Variants in TRIP11 observed in about 807,000 individuals in gnomAD.
TRIP11 encodes the protein thyroid hormone receptor interactor 11, also known as thyroid receptor-interacting protein 11.
Under a neutral mutation model 223.1 loss-of-function variants are expected in TRIP11, and 148 were observed. The observed-to-expected ratio is 0.66, with a 90% confidence interval of 0.58 to 0.76. TRIP11 has a LOEUF of 0.76. Among genes scored for constraint, TRIP11 ranks in the 30% least tolerant of loss-of-function variants. The pLI is 0.00. For missense variants in TRIP11, 2,043 were observed against 2,222.0 expected (o/e 0.92, Z 1.62); for synonymous variants, 762 against 772.6 (o/e 0.99, Z 0.23).
Position 92,005,460 on chromosome 14 carries a change from C to A in TRIP11, c.2516G>T (p.Arg839Ile). Residue 839 changes from arginine to isoleucine, a missense_variant, in exon 11 of 21, where the codon AGA (arginine) becomes ATA (isoleucine). Physicochemically the swap from Arg to Ile is moderately conservative, Grantham distance 97. Coordinates refer to ENST00000267622, the MANE Select transcript of TRIP11 (RefSeq NM_004239.4). ...EELDKYSQAL[R>I]KNEILRQTIE... ...GGTCTGTCTTAAAATTTCATTTTTT[C>A]TTAAGGCCTGAGAATATTTATCCAA... 6.2e-7 allele frequency: 1 copy of A among 1,613,836 alleles called. No homozygotes were observed. The highest frequency in any genetic ancestry group is 1.1e-5 in the South Asian group (1 of 91,048).
chr14:92,012,922 T>C (rs1254319272), intron 7 of TRIP11, among the ~76,000 whole-genome samples: 1 of 152,186 alleles, frequency 6.6e-6, no homozygotes. Context: ...TTATTCTGGC[T>C]GCAGAATGAA....
chr14:92,002,148 C>T (rs2056834811), intron 11 of TRIP11, among the ~76,000 whole-genome samples: 1 of 152,098 alleles, frequency 6.6e-6, no homozygotes, highest in African/African-American at 2.4e-5. Flanking sequence ...TAAACAAACC[C>T]TACACAGCAC....
At chr14:91,998,573 G>A (rs530744506) in intron 13 of TRIP11, among the ~76,000 whole-genome samples, 1 of 151,930 alleles carries the variant, frequency 6.6e-6, no homozygotes, top group East Asian at 1.9e-4. Flanking sequence ...GGTATATAAT[G>A]TATACACACA....
At chr14:91,992,908 C>CAAA (rs550702989) in intron 15 of TRIP11, among the ~76,000 whole-genome samples, 669 of 29,278 alleles carry the variant, frequency 0.023, 70 homozygotes, top group Admixed American at 0.053. Flanking sequence ...GACTCCGTCT[C>CAAA]AAAAAAAAAA....
chr14:91,966,729 A>C lies in TRIP11; in HGVS notation c.*2944T>G. On this transcript the variant is annotated 3_prime_UTR_variant, in exon 21 of 21. Coordinates refer to ENST00000267622, the MANE Select transcript of TRIP11 (RefSeq NM_004239.4). ...TCAAAAATGACAGGAATGAAAATTC[A>C]AACAATTTGATCCAGTATTATGCTA... The C allele has an allele frequency of 4.7e-6, 1 of 212,180 alleles. No individual in the cohort carries two copies. Among genetic ancestry groups the C allele is most frequent in the Non-Finnish European group, 9.5e-6 (1 of 104,738 alleles). The allele number at this position is 212,180 out of a possible 1,614,324, so 13.1% of individuals were successfully genotyped here.
chr14:91,995,777 G>A (rs916558763), intron 13 of TRIP11, among the ~76,000 whole-genome samples: 40 of 151,958 alleles, frequency 2.6e-4, no homozygotes, highest in Non-Finnish European at 4.3e-4. Context: ...AACCATGCCT[G>A]GCTAATTTTT....
At chr14:91,977,952 A>G (rs577052514) in intron 16 of TRIP11, among the ~76,000 whole-genome samples, 1 of 152,338 alleles carries the variant, frequency 6.6e-6, no homozygotes, top group Non-Finnish European at 1.5e-5. Flanking sequence ...CATATTATAA[A>G]AGCAAGGTTT....
chr14:92,038,209 A>T (rs2057344550), intron 1 of TRIP11, among the ~76,000 whole-genome samples: 1 of 152,210 alleles, frequency 6.6e-6, no homozygotes, highest in Non-Finnish European at 1.5e-5. Context: ...CACATTTGGC[A>T]GGAGAACAAA....
chr14:92,026,956 T>C (rs1320096693), intron 2 of TRIP11: 11 of 1,078,750 alleles, frequency 1.0e-5, no homozygotes, highest in Non-Finnish European at 1.5e-5. Flanking sequence ...ACTTCCCCTC[T>C]CAGAATCTAA....
chr14:91,992,071 C>T (rs1048999980), intron 15 of TRIP11, among the ~76,000 whole-genome samples: 9 of 96,298 alleles, frequency 9.3e-5, no homozygotes, highest in African/African-American at 1.4e-4. Context: ...AAGAGCGAAA[C>T]GCCGTCTCAA....
At position 91,995,526 on chromosome 14, in the gene TRIP11, AAAG is replaced by A; in HGVS notation, c.4893-14_4893-12del. 6.2e-7 allele frequency: 1 copy of A among 1,613,966 alleles called. No individual in the cohort carries two copies. Among genetic ancestry groups the A allele is most frequent in the Non-Finnish European group, 8.5e-7 (1 of 1,179,912 alleles). ...ACACTGGCTTGATGGCTTCAAACAA[AAAG>A]AATAAAAGTCAAACTGCTTCATCTA... is the stretch of plus-strand genomic sequence containing the variant. On this transcript the variant is annotated splice_polypyrimidine_tract_variant and intron_variant, in intron 13 of 20. Transcript: ENST00000267622.
In TRIP11 at chr14:91,981,012, A is replaced by AT. The variant is rs564098716; in HGVS notation, c.5261-4824dup. Among the ~76,000 whole-genome samples, 404 of 49,940 alleles carry AT rather than the reference A, an allele frequency of 8.1e-3. 9 individuals carry two copies. The highest frequency in any genetic ancestry group is 0.01 in the Non-Finnish European group (244 of 23,780). 32.8% of individuals were successfully genotyped at this position (49,940 alleles called of 152,430 possible). Reference sequence around the variant, plus strand: ...ATATTATATATATATATATATATATATTTTTTTTTTTTTTTTTTTTTTTTG... The same window carrying AT: ...ATATTATATATATATATATATATATATTTTTTTTTTTTTTTTTTTTTTTTTG... On this transcript the variant is annotated intron_variant, in intron 16 of 20. Coordinates refer to ENST00000267622, the MANE Select transcript of TRIP11 (RefSeq NM_004239.4).
intron 16 of TRIP11, among the ~76,000 whole-genome samples, chr14:91,977,661 T>TCCTATC (rs2056484588): frequency 1.3e-5 from 1 of 78,878 alleles, no homozygotes; most frequent in African/African-American, 6.5e-5. Context: ...AGGACTGCCC[T>TCCTATC]CACCTTTCAT....
At chr14:92,010,605 G>A (rs962682032) in intron 9 of TRIP11, among the ~76,000 whole-genome samples, 18 of 151,688 alleles carry the variant, frequency 1.2e-4, no homozygotes, top group Admixed American at 1.1e-3. Context: ...AGAAAGTACT[G>A]TCCACCAAAA....
At chr14:92,029,353 T>C (rs1440260554) in intron 2 of TRIP11, among the ~76,000 whole-genome samples, 1 of 133,062 alleles carries the variant, frequency 7.5e-6, no homozygotes, top group African/African-American at 2.9e-5. Flanking sequence ...TGGAGTTTAC[T>C]GGCACAATCT....
chr14:91,993,761 C>A, intron 15 of TRIP11, 48 bp downstream of exon 15: 1 of 1,418,400 alleles, frequency 7.1e-7, no homozygotes, highest in Non-Finnish European at 9.9e-7. Flanking sequence ...CTACAAGTAA[C>A]TGTTCCATGA....
In TRIP11 at chr14:92,005,453, A is replaced by G. The variant is rs748936811; in HGVS notation, c.2523T>C (p.Asn841=). ...CCTCTATGGTCTGTCTTAAAATTTC[A>G]TTTTTTCTTAAGGCCTGAGAATATT... The part of the protein sequence containing the change: ...LDKYSQALRK[N]EILRQTIEEK... The change falls in exon 11 of 21, where the codon AAT becomes AAC. Residue 841 remains asparagine (N), a synonymous_variant. Coordinates refer to ENST00000267622, the MANE Select transcript of TRIP11 (RefSeq NM_004239.4). The G allele has an allele frequency of 1.9e-6, 3 of 1,613,800 alleles. No homozygotes were observed. Among genetic ancestry groups the G allele is most frequent in the Non-Finnish European group, 1.7e-6 (2 of 1,179,978 alleles).
chr14:91,969,524 C>T lies in TRIP11; in HGVS notation c.*149G>A. The stretch of plus-strand genomic sequence containing the variant: ...TCCTGACACCTGCAGTTTCTAAAAG[C>T]ATTAGGAATATTTTTATTAAATTCA... On this transcript the variant is annotated 3_prime_UTR_variant, in exon 21 of 21. Transcript: ENST00000267622. 1 of 812,140 alleles carries T rather than the reference C, an allele frequency of 1.2e-6. No homozygotes were observed. The highest frequency in any genetic ancestry group is 2.1e-6 in the Non-Finnish European group (1 of 481,240). The allele number at this position is 812,140 out of a possible 1,614,324, so 50.3% of individuals were successfully genotyped here. A position where few individuals can be genotyped will look rare whatever the true frequency, so the allele number is the denominator to read the frequency against.
Position 92,007,186 on chromosome 14 carries a change from G to A in TRIP11, c.1527+454C>T, listed in dbSNP as rs986451802. ...ATTACAGGCACCTGCCACCACGGCCGGCTAATTTTTTGTATTTTTAGTAGA... is the reference window on the plus strand; with the variant it reads ...ATTACAGGCACCTGCCACCACGGCCAGCTAATTTTTTGTATTTTTAGTAGA... On this transcript the variant is annotated intron_variant, in intron 10 of 20. Transcript: ENST00000267622. Among the ~76,000 whole-genome samples, 3 of 151,972 alleles carry A rather than the reference G, an allele frequency of 2.0e-5. No homozygotes were observed. The East Asian group carries it at 5.8e-4, about 29-fold the overall frequency.
Sources: allele counts gnomAD v4.1 joint callset (sites outside exome capture counted in the v4.1 genomes callset), GRCh38; gene constraint gnomAD v4.1.1; transcripts MANE v1.5; gene names NCBI Gene and HGNC (gene_info 2026-07-23, HGNC 2026-07-21).